The following AGAP1 variants were observed in gnomAD, a reference collection of about 807,000 sequenced individuals.
AGAP1 encodes the protein ArfGAP with GTPase domain, ankyrin repeat and PH domain 1.
A neutral mutation model predicts 105.3 loss-of-function variants in AGAP1; 29 were observed. That is an observed-to-expected ratio of 0.28 (90% CI 0.21 to 0.38). The LOEUF (loss-of-function observed/expected upper bound fraction) is 0.38, where lower values mean the gene tolerates loss of function less well. Among genes scored for constraint, AGAP1 ranks in the 10% least tolerant of loss-of-function variants. AGAP1 has a pLI of 1.00. For synonymous variants in AGAP1, 509 were observed against 485.9 expected (o/e 1.05, Z -0.63); for missense variants, 998 against 1,165.1 (o/e 0.86, Z 2.09).
rs567565131 is a variant in AGAP1, at chr2:235,609,597, C to T, written c.164-99582C>T. 7.2e-5 allele frequency among the ~76,000 whole-genome samples: 11 copies of T among 152,218 alleles called. No homozygotes were observed. The highest frequency in any genetic ancestry group is 1.9e-4 in the East Asian group (1 of 5,154). ...CTCACTTTGACCCCGGACCTGCATG[C>T]GCGCTGAGGATGGCAGAGGGGCTCC... On this transcript the variant is annotated intron_variant, in intron 1 of 17. Coordinates refer to ENST00000304032, the MANE Select transcript of AGAP1 (RefSeq NM_001037131.3). This position sits in a 1 kb window ranked among gnomAD's most constrained non-coding sequence, Gnocchi z 5.1.
Position 235,596,277 on chromosome 2 carries a change from A to G in AGAP1, c.163+101428A>G, listed in dbSNP as rs1945523028. Among the ~76,000 whole-genome samples, 1 of 152,230 alleles carries G rather than the reference A, an allele frequency of 6.6e-6. No individual in the cohort carries two copies. The highest frequency in any genetic ancestry group is 2.4e-5 in the African/African-American group (1 of 41,464). On this transcript the variant is annotated intron_variant, in intron 1 of 17. Coordinates refer to ENST00000304032, the MANE Select transcript of AGAP1 (RefSeq NM_001037131.3). The surrounding 1 kb of genome is among the most constrained non-coding windows in gnomAD (Gnocchi z 5.9). Reference sequence around the variant, plus strand: ...CTGTTATTTAACAGATGCTCAAACTAGACAGGTGGGACTGTCCAGATGCCT... The same window carrying G: ...CTGTTATTTAACAGATGCTCAAACTGGACAGGTGGGACTGTCCAGATGCCT...
chr2:235,675,594 T>A, intron 1 of AGAP1, among the ~76,000 whole-genome samples: 1 of 152,248 alleles, frequency 6.6e-6, no homozygotes, highest in Non-Finnish European at 1.5e-5. Flanking sequence ...GTTGTTACAA[T>A]TGAACATTCC....
chr2:235,621,465 C>T lies in AGAP1; in HGVS notation c.164-87714C>T, dbSNP rs1452110871. On this transcript the variant is annotated intron_variant, in intron 1 of 17. Transcript: ENST00000304032. The surrounding 1 kb of genome is among the most constrained non-coding windows in gnomAD (Gnocchi z 4.1). ...AATGAGCCAGAGCCTCTGCTGCTGC[C>T]ATTGGCGTTGGCACCATTCTTACCT... Among the ~76,000 whole-genome samples the T allele has an allele frequency of 6.6e-6, 1 of 152,224 alleles. No homozygotes were observed. Among genetic ancestry groups the T allele is most frequent in the Non-Finnish European group, 1.5e-5 (1 of 68,042 alleles).
At chr2:235,542,792 C>G (rs12478505) in intron 1 of AGAP1, among the ~76,000 whole-genome samples, 9,849 of 152,138 alleles carry the variant, frequency 0.065, 449 homozygotes, top group South Asian at 0.18. Context: ...ATTTGAGATG[C>G]CCTGCAGGCC....
In AGAP1 at chr2:235,725,018, G is replaced by C. The variant is rs568046515; in HGVS notation, c.310+7374G>C. 2.0e-5 allele frequency among the ~76,000 whole-genome samples: 3 copies of C among 152,308 alleles called. No homozygotes were observed. Among genetic ancestry groups the C allele is most frequent in the African/African-American group, 7.2e-5 (3 of 41,574 alleles). On this transcript the variant is annotated intron_variant, in intron 3 of 17. Transcript: ENST00000304032. The surrounding 1 kb of genome is among the most constrained non-coding windows in gnomAD (Gnocchi z 5.7). ...AAGGACGTCTCGTTTCCAGCATGTCGGGGGTCAGGCTGTGCTGCACTGAGG... is the reference window on the plus strand; with the variant it reads ...AAGGACGTCTCGTTTCCAGCATGTCCGGGGTCAGGCTGTGCTGCACTGAGG...
chr2:235,680,923 C>A (rs1262408192), intron 1 of AGAP1, among the ~76,000 whole-genome samples: 1 of 152,166 alleles, frequency 6.6e-6, no homozygotes, highest in Non-Finnish European at 1.5e-5. Flanking sequence ...ATCATGCTCA[C>A]AGCTGCAGCT....
chr2:235,792,543 A>G lies in AGAP1; in HGVS notation c.674-5216A>G, dbSNP rs1410889102. ...AGGGGCATTTAGGGGACAGTCAGGG[A>G]GACTCATTTGGAAGTTGCTTTGGTC... On this transcript the variant is annotated intron_variant, in intron 6 of 17. Transcript: ENST00000304032. The surrounding 1 kb of genome is among the most constrained non-coding windows in gnomAD (Gnocchi z 5.3). 6.6e-6 allele frequency among the ~76,000 whole-genome samples: 1 copy of G among 152,144 alleles called. No individual in the cohort carries two copies. The highest frequency in any genetic ancestry group is 2.4e-5 in the African/African-American group (1 of 41,428).
Position 236,053,419 on chromosome 2 carries a change from C to T in AGAP1, c.2114+4138C>T, listed in dbSNP as rs2057964511. ...GCAAAGCCGTCTCAGTAAACCCGTC[C>T]ACGCACATCCTCTCTCCCTCGCGGT... On this transcript the variant is annotated intron_variant, in intron 16 of 17. Transcript: ENST00000304032. This position sits in a 1 kb window ranked among gnomAD's most constrained non-coding sequence, Gnocchi z 4.6. Among the ~76,000 whole-genome samples, 1 of 152,238 alleles carries T rather than the reference C, an allele frequency of 6.6e-6. No individual in the cohort carries two copies.
intron 12 of AGAP1, among the ~76,000 whole-genome samples, chr2:235,956,583 A>G (rs926077661): frequency 6.6e-5 from 10 of 152,196 alleles, no homozygotes; most frequent in Non-Finnish European, 1.3e-4. Flanking sequence ...AAAGAAAGTG[A>G]CAGGAACCAA....
chr2:236,015,072 G>C (rs1349732), intron 13 of AGAP1, among the ~76,000 whole-genome samples: 1 of 152,016 alleles, frequency 6.6e-6, no homozygotes, highest in Non-Finnish European at 1.5e-5. Flanking sequence ...TTTACCATTC[G>C]TGTTCCTTTC....
At position 236,062,862 on chromosome 2, in the gene AGAP1, A is replaced by G. The variant is rs989837567; in HGVS notation, c.2114+13581A>G. 4.6e-5 allele frequency among the ~76,000 whole-genome samples: 7 copies of G among 152,032 alleles called. No individual in the cohort carries two copies. The highest frequency in any genetic ancestry group is 3.9e-4 in the Admixed American group (6 of 15,270). Reference sequence around the variant, plus strand: ...TTTTTAGTAGAGATGGGGTTTCACCATCTTGGCCAGGCTGGTCTTGAACTC... The same window carrying G: ...TTTTTAGTAGAGATGGGGTTTCACCGTCTTGGCCAGGCTGGTCTTGAACTC... On this transcript the variant is annotated intron_variant, in intron 16 of 17. Transcript: ENST00000304032. This position sits in a 1 kb window ranked among gnomAD's most constrained non-coding sequence, Gnocchi z 4.2.
intron 11 of AGAP1, among the ~76,000 whole-genome samples, chr2:235,922,873 T>C (rs1300785400): frequency 6.6e-6 from 1 of 152,218 alleles, no homozygotes; most frequent in East Asian, 1.9e-4. Context: ...GTAAGTACCT[T>C]TTCAAATCAA....
In AGAP1 at chr2:235,932,592, C is replaced by A. The variant is rs532350319; in HGVS notation, c.1483+1669C>A. On this transcript the variant is annotated intron_variant, in intron 12 of 17. Transcript: ENST00000304032. ...GGTGCACAGGTGACACGGACAAGGC[C>A]TTGCCTTACCAAGCAGCCTCTGCTG... is the stretch of plus-strand genomic sequence containing the variant. Among the ~76,000 whole-genome samples the A allele has an allele frequency of 1.8e-4, 28 of 152,318 alleles. No individual in the cohort carries two copies. In the East Asian group the frequency reaches 3.9e-3, roughly 21 times the overall value.
At chr2:236,039,050 T>C (rs891942498) in intron 14 of AGAP1, among the ~76,000 whole-genome samples, 2 of 152,202 alleles carry the variant, frequency 1.3e-5, no homozygotes, top group African/African-American at 4.8e-5. Flanking sequence ...TATGAAGAAT[T>C]CTTACGCAAA....
intron 16 of AGAP1, among the ~76,000 whole-genome samples, chr2:236,079,039 A>G (rs1281800655): frequency 1.6e-5 from 2 of 125,874 alleles, no homozygotes; most frequent in Non-Finnish European, 3.6e-5. Context: ...GGTGGTTGAA[A>G]CAGCCTGATC....
chr2:235,511,925 T>G (rs1942145234), intron 1 of AGAP1, among the ~76,000 whole-genome samples: 1 of 145,924 alleles, frequency 6.9e-6, no homozygotes, highest in African/African-American at 2.6e-5. Flanking sequence ...TGTGTGTGAA[T>G]GTGTGAATGT....
At chr2:235,544,258 C>T (rs549461975) in intron 1 of AGAP1, among the ~76,000 whole-genome samples, 1 of 152,242 alleles carries the variant, frequency 6.6e-6, no homozygotes, top group South Asian at 2.1e-4. Flanking sequence ...GCTGGTCAGG[C>T]GGTGTGGCAG....
rs61133968 is a variant in AGAP1, at chr2:235,690,428, A to ATAT, written c.164-18747_164-18745dup. On this transcript the variant is annotated intron_variant, in intron 1 of 17. Coordinates refer to ENST00000304032, the MANE Select transcript of AGAP1 (RefSeq NM_001037131.3). The surrounding 1 kb of genome is among the most constrained non-coding windows in gnomAD (Gnocchi z 4.1). ...GGCAGAGCTCACATTGGAGCACTTG[A>ATAT]TATTATGCATTTGAAACATTGAGAC... 6.6e-6 allele frequency among the ~76,000 whole-genome samples: 1 copy of ATAT among 152,220 alleles called. No individual in the cohort carries two copies. Among genetic ancestry groups the ATAT allele is most frequent in the Admixed American group, 6.5e-5 (1 of 15,286 alleles).
rs528020134 is a variant in AGAP1, at chr2:236,109,659, C to T, written c.2115-10533C>T. Among the ~76,000 whole-genome samples the T allele has an allele frequency of 7.9e-4, 121 of 152,252 alleles. 1 individual carries two copies. The highest frequency in any genetic ancestry group is 2.9e-3 in the African/African-American group (119 of 41,560). Reference sequence around the variant, plus strand: ...GCAGCCGTGGGAACGTCCTAGTCGGCGGCAGCGTCGGTGCTCTGGACCGGC... The same window carrying T: ...GCAGCCGTGGGAACGTCCTAGTCGGTGGCAGCGTCGGTGCTCTGGACCGGC... On this transcript the variant is annotated intron_variant, in intron 16 of 17. Transcript: ENST00000304032. The surrounding 1 kb of genome is among the most constrained non-coding windows in gnomAD (Gnocchi z 5.4).
Sources: allele counts gnomAD v4.1 joint callset (sites outside exome capture counted in the v4.1 genomes callset), GRCh38; gene constraint gnomAD v4.1.1; non-coding constraint Gnocchi (gnomAD v3.1); transcripts MANE v1.5; gene names NCBI Gene and HGNC (gene_info 2026-07-23, HGNC 2026-07-21).